The following ZFPM2 variants were observed in gnomAD, a reference collection of about 807,000 sequenced individuals.
ZFPM2 encodes zinc finger protein ZFPM2.
ZFPM2 carries 20 observed loss-of-function variants against 98.6 expected under a neutral mutation model. That is an observed-to-expected ratio of 0.20 (90% confidence interval 0.14 to 0.29). The LOEUF is 0.29. ZFPM2 is among the 10% of genes least tolerant of loss of function. The probability of loss-of-function intolerance (pLI) is 1.00; values close to 1 mark genes in which losing one functional copy is unlikely to be tolerated. For missense variants in ZFPM2, 1,310 were observed against 1,388.6 expected, an observed-to-expected ratio of 0.94 and a Z score of 0.90; for synonymous variants, 518 against 502.7, an observed-to-expected ratio of 1.03 and a Z score of -0.41.
In ZFPM2 at chr8:105,588,385, G is replaced by T. The variant is rs1182902080; in HGVS notation, c.420+26904G>T. Among the ~76,000 whole-genome samples the T allele has an allele frequency of 3.3e-5, 5 of 151,370 alleles. 1 individual carries two copies. The highest frequency in any genetic ancestry group is 3.3e-4 in the Admixed American group (5 of 15,166). On this transcript the variant is annotated intron_variant, in intron 4 of 7. Transcript: ENST00000407775. ...AAATGGAATGCTTGGATGACACAGA[G>T]AATATTTTTCTTCTTTTAATATTTT...
At chr8:105,403,253 T>C (rs1293886171) in intron 1 of ZFPM2, among the ~76,000 whole-genome samples, 2 of 152,108 alleles carry the variant, frequency 1.3e-5, no homozygotes, top group Non-Finnish European at 1.5e-5. Context: ...TAGTTAAATG[T>C]AAACAGAAAT....
At chr8:105,717,893 T>C (rs1273837899) in intron 5 of ZFPM2, among the ~76,000 whole-genome samples, 2 of 151,778 alleles carry the variant, frequency 1.3e-5, no homozygotes, top group African/African-American at 4.8e-5. Flanking sequence ...CACTGGTAAG[T>C]AGCTTGCTCA....
chr8:105,586,037 G>A (rs1815707972), intron 4 of ZFPM2, among the ~76,000 whole-genome samples: 1 of 147,206 alleles, frequency 6.8e-6, no homozygotes, highest in South Asian at 2.2e-4. Context: ...GTGTGTGTGT[G>A]TGTATGCACA....
At chr8:105,774,408 G>C (rs1214211890) in intron 5 of ZFPM2, among the ~76,000 whole-genome samples, 2 of 152,068 alleles carry the variant, frequency 1.3e-5, no homozygotes, top group Non-Finnish European at 2.9e-5. Context: ...AACAGGTCTT[G>C]GTCATTGTTC....
At chr8:105,588,416 C>CA (rs953808807) in intron 4 of ZFPM2, among the ~76,000 whole-genome samples, 51 of 145,590 alleles carry the variant, frequency 3.5e-4, no homozygotes, top group Non-Finnish European at 5.7e-4. Flanking sequence ...ATTTTTTTTC[C>CA]AAAAAAAAAA....
At chr8:105,601,417 C>T (rs1816089983) in intron 4 of ZFPM2, among the ~76,000 whole-genome samples, 1 of 152,050 alleles carries the variant, frequency 6.6e-6, no homozygotes, top group Non-Finnish European at 1.5e-5. Context: ...TTGGACATGT[C>T]TATTCATGGT....
At chr8:105,497,431 C>T (rs1167890026) in intron 3 of ZFPM2, among the ~76,000 whole-genome samples, 1 of 152,068 alleles carries the variant, frequency 6.6e-6, no homozygotes, top group African/African-American at 2.4e-5. Flanking sequence ...TATATGGTTT[C>T]AACAGTTAGC....
At chr8:105,344,670 TATACAC>T (rs1396318327) in intron 1 of ZFPM2, among the ~76,000 whole-genome samples, 1 of 152,052 alleles carries the variant, frequency 6.6e-6, no homozygotes, top group East Asian at 1.9e-4. Context: ...TATATCTATA[TATACAC>T]ATATATATGT....
At chr8:105,463,365 T>TA (rs1282848689) in intron 3 of ZFPM2, among the ~76,000 whole-genome samples, 2 of 151,888 alleles carry the variant, frequency 1.3e-5, no homozygotes, top group Non-Finnish European at 2.9e-5. Context: ...ATATAGTTTA[T>TA]AAAAATACAT....
intron 1 of ZFPM2, among the ~76,000 whole-genome samples, chr8:105,415,891 T>G (rs1269059565): frequency 6.6e-6 from 1 of 152,146 alleles, no homozygotes; most frequent in East Asian, 1.9e-4. Flanking sequence ...GGTCATCAAA[T>G]GACCTTCCTA....
intron 1 of ZFPM2, among the ~76,000 whole-genome samples, chr8:105,375,116 C>T (rs1459626640): frequency 6.6e-6 from 1 of 151,966 alleles, no homozygotes; most frequent in African/African-American, 2.4e-5. Flanking sequence ...TCCAATGGAC[C>T]TAAATTTTTT....
At chr8:105,345,922 C>T (rs987340708) in intron 1 of ZFPM2, among the ~76,000 whole-genome samples, 1 of 151,890 alleles carries the variant, frequency 6.6e-6, no homozygotes, top group Non-Finnish European at 1.5e-5. Flanking sequence ...TACAATGTTT[C>T]TAAATATTAT....
At chr8:105,795,735 G>A in intron 6 of ZFPM2, 1 of 426,600 alleles carries the variant, frequency 2.3e-6, no homozygotes, top group South Asian at 1.8e-5. Context: ...ACTTAACTTA[G>A]TTTGTATTTT....
intron 3 of ZFPM2, among the ~76,000 whole-genome samples, chr8:105,472,648 G>A (rs540730381): frequency 3.4e-4 from 51 of 151,858 alleles, no homozygotes; most frequent in African/African-American, 1.0e-3. Context: ...GACTACAGGC[G>A]CCCACCATCG....
intron 6 of ZFPM2, among the ~76,000 whole-genome samples, chr8:105,795,467 T>C (rs1813770575): frequency 6.6e-6 from 1 of 150,970 alleles, no homozygotes; most frequent in South Asian, 2.1e-4. Flanking sequence ...GTAGAAAAAA[T>C]GTGGTATTCT....
At chr8:105,695,830 C>A (rs1308520618) in intron 5 of ZFPM2, among the ~76,000 whole-genome samples, 1 of 151,780 alleles carries the variant, frequency 6.6e-6, no homozygotes, top group South Asian at 2.1e-4. Context: ...TTCATTTTTT[C>A]TTCTCTTTTC....
chr8:105,611,884 G>A (rs1372646651), intron 4 of ZFPM2, among the ~76,000 whole-genome samples: 1 of 151,774 alleles, frequency 6.6e-6, no homozygotes, highest in Admixed American at 6.6e-5. Flanking sequence ...ATTTTTTAGA[G>A]ATGGGGTTTT....
At chr8:105,492,112 GATAAATCAATTTAAC>G (rs1423818419) in intron 3 of ZFPM2, among the ~76,000 whole-genome samples, 1 of 152,090 alleles carries the variant, frequency 6.6e-6, no homozygotes, top group Non-Finnish European at 1.5e-5. Context: ...TTATGGAAGA[GATAAATCAATTTAAC>G]AAACTGTGTT....
At chr8:105,710,681 GTGTGTGTGTGTGTGTGTGTGTA>G (rs1426055456) in intron 5 of ZFPM2, among the ~76,000 whole-genome samples, 2 of 150,776 alleles carry the variant, frequency 1.3e-5, no homozygotes, top group East Asian at 1.9e-4. Context: ...GTGTGTGTGT[GTGTGTGTGTGTGTGTGTGTGTA>G]TGTGTGTGTG....
Sources: allele counts gnomAD v4.1 joint callset (sites outside exome capture counted in the v4.1 genomes callset), GRCh38; gene constraint gnomAD v4.1.1; transcripts MANE v1.5; gene names NCBI Gene and HGNC (gene_info 2026-07-23, HGNC 2026-07-21).